The following BLK variants were observed in gnomAD, a reference collection of about 807,000 sequenced individuals.
BLK encodes tyrosine-protein kinase Blk.
Under a neutral mutation model 61.8 loss-of-function variants are expected in BLK, and 64 were observed. The ratio of observed to expected loss-of-function variants is 1.03; its 90% confidence interval spans 0.85 to 1.27. The LOEUF (loss-of-function observed/expected upper bound fraction) is 1.27, where lower values mean the gene tolerates loss of function less well. Among genes scored for constraint, BLK ranks in the 50% most tolerant of loss-of-function variants. The pLI is 0.00. For missense variants in BLK, 853 were observed against 660.5 expected (o/e 1.29, Z -3.19); for synonymous variants, 351 against 272.0 (o/e 1.29, Z -2.86).
chr8:11,530,260 T>C (rs538829576), intron 1 of BLK, among the ~76,000 whole-genome samples: 1 of 152,362 alleles, frequency 6.6e-6, no homozygotes, highest in Admixed American at 6.5e-5. Flanking sequence ...GATACTTGTA[T>C]GAATTGGGTG....
chr8:11,502,707 G>A (rs1045667926), intron 1 of BLK, among the ~76,000 whole-genome samples: 20 of 152,236 alleles, frequency 1.3e-4, no homozygotes, highest in Admixed American at 1.3e-4. Flanking sequence ...GTGCATCACT[G>A]ACGGGGAGGC....
chr8:11,502,652 G>T lies in BLK; in HGVS notation c.-2+8061G>T, dbSNP rs1416773421. Among the ~76,000 whole-genome samples, 3 of 152,198 alleles carry T rather than the reference G, an allele frequency of 2.0e-5. No homozygotes were observed. In the East Asian group the frequency reaches 5.8e-4, roughly 29 times the overall value. On this transcript the variant is annotated intron_variant, in intron 1 of 12. Transcript: ENST00000259089. ...ATAATTCAGCTCACAAAATTCCTGA[G>T]AATTTAACAACCGGCTCTAGCATAC...
chr8:11,522,866 A>T (rs527499536), intron 1 of BLK, among the ~76,000 whole-genome samples: 1 of 152,242 alleles, frequency 6.6e-6, no homozygotes, highest in East Asian at 1.9e-4. Context: ...GTCCAAAATC[A>T]TACATGGTTA....
chr8:11,543,290 A>C lies in BLK; in HGVS notation c.66A>C (p.Gln22His). 6.2e-7 allele frequency: 1 copy of C among 1,613,978 alleles called. No homozygotes were observed. The highest frequency in any genetic ancestry group is 1.1e-5 in the South Asian group (1 of 91,084). The change falls in exon 2 of 13, where the codon CAA becomes CAC. Residue 22 changes from glutamine to histidine, a missense_variant. By Grantham distance (24) the Gln-to-His change is conservative. Coordinates refer to ENST00000259089, the MANE Select transcript of BLK (RefSeq NM_001715.3). ...CGATCAAAGAGAAGGACAAGGGCCA[A>C]TGGAGCCCCCTGAAGGTCAGCGCCC... is the stretch of plus-strand genomic sequence containing the variant. ...EKPIKEKDKG[Q>H]WSPLKVSAQD...
intron 1 of BLK, among the ~76,000 whole-genome samples, chr8:11,514,535 G>C (rs1016343561): frequency 2.0e-5 from 3 of 152,346 alleles, no homozygotes; most frequent in Middle Eastern, 3.4e-3. Flanking sequence ...GAGGGGAACA[G>C]CTGGGAGAGA....
chr8:11,506,712 A>C (rs576818192), intron 1 of BLK, among the ~76,000 whole-genome samples: 4 of 152,306 alleles, frequency 2.6e-5, no homozygotes, highest in African/African-American at 9.6e-5. Context: ...CTTTGTCATC[A>C]GTCCATGCAG....
chr8:11,526,335 C>G (rs560580379), intron 1 of BLK, among the ~76,000 whole-genome samples: 1 of 152,312 alleles, frequency 6.6e-6, no homozygotes, highest in East Asian at 1.9e-4. Context: ...TAGGCAGTAT[C>G]TGAAGTTAAC....
At position 11,556,835 on chromosome 8, in the gene BLK, G is replaced by C. The variant is rs1047925960; in HGVS notation, c.950G>C (p.Arg317Thr). The C allele has an allele frequency of 7.4e-6, 12 of 1,613,854 alleles. No homozygotes were observed. Among genetic ancestry groups the C allele is most frequent in the Admixed American group, 1.7e-5 (1 of 59,998 alleles). The change falls in exon 9 of 13, where the codon AGA (arginine) becomes ACA (threonine). Residue 317 changes from arginine to threonine, a missense_variant and splice_region_variant. Physicochemically the swap from Arg to Thr is moderately conservative, Grantham distance 71. Coordinates refer to ENST00000259089, the MANE Select transcript of BLK (RefSeq NM_001715.3). ...PIYIVTEYMA[R>T]GCLLDFLKTD... is the part of the protein sequence containing the mutation. ...TACATTGTCACCGAGTACATGGCCA[G>C]AGGTGGTGCCCCCCGCAGAGCCGCA...
rs768259020 is a variant in BLK at position 11,564,462 on chromosome 8, T to C, written c.*354T>C. On this transcript the variant is annotated 3_prime_UTR_variant, in exon 13 of 13. Coordinates refer to ENST00000259089, the MANE Select transcript of BLK (RefSeq NM_001715.3). ...CCCCCGTGCTGGCCGCGTCCCCGCCTCTGCGCCCTGCGTGGACCCCGCCCT... is the reference window on the plus strand; with the variant it reads ...CCCCCGTGCTGGCCGCGTCCCCGCCCCTGCGCCCTGCGTGGACCCCGCCCT... 23 of 546,382 alleles carry C rather than the reference T, an allele frequency of 4.2e-5. No homozygotes were observed. Among genetic ancestry groups the C allele is most frequent in the South Asian group, 3.5e-4 (23 of 65,316 alleles). The allele number at this position is 546,382 out of a possible 1,614,324, so 33.8% of individuals were successfully genotyped here. A position where few individuals can be genotyped will look rare whatever the true frequency, so the allele number is the denominator to read the frequency against.
chr8:11,518,719 A>G (rs755592435), intron 1 of BLK, among the ~76,000 whole-genome samples: 1 of 152,106 alleles, frequency 6.6e-6, no homozygotes, highest in African/African-American at 2.4e-5. Context: ...CAATGGTCCA[A>G]CACGGCATTT....
intron 1 of BLK, among the ~76,000 whole-genome samples, chr8:11,503,054 C>A (rs957375159): frequency 3.9e-5 from 6 of 152,216 alleles, no homozygotes; most frequent in African/African-American, 1.2e-4. Flanking sequence ...TCTCTGCTGG[C>A]CTCTTTGCAC....
chr8:11,509,061 G>A (rs1446511809), intron 1 of BLK: 1 of 152,212 alleles, frequency 6.6e-6, no homozygotes, highest in Non-Finnish European at 1.5e-5. Context: ...TACTTAGGAG[G>A]CATCACAACA....
At position 11,564,583 on chromosome 8, in the gene BLK, A is replaced by C. The variant is rs1463021518; in HGVS notation, c.*475A>C. ...AGCACTGCGGGGCTTTTCTGCAATA[A>C]AGTCACGAGCGTTCGAGCTGTTCCG... On this transcript the variant is annotated 3_prime_UTR_variant, in exon 13 of 13. Coordinates refer to ENST00000259089, the MANE Select transcript of BLK (RefSeq NM_001715.3). 2 of 421,268 alleles carry C rather than the reference A, an allele frequency of 4.7e-6. No individual in the cohort carries two copies. Among genetic ancestry groups the C allele is most frequent in the African/African-American group, 2.0e-5 (1 of 49,258 alleles). 26.1% of individuals were successfully genotyped at this position (421,268 alleles called of 1,614,324 possible).
intron 1 of BLK, among the ~76,000 whole-genome samples, chr8:11,510,173 A>T (rs1045240756): frequency 3.3e-5 from 5 of 152,220 alleles, no homozygotes; most frequent in African/African-American, 1.2e-4. Flanking sequence ...AATCCCTTCA[A>T]GGAATTACGA....
chr8:11,549,072 C>T lies in BLK; in HGVS notation c.318C>T (p.Gly106=), dbSNP rs1380322681. 1.9e-6 allele frequency: 3 copies of T among 1,611,838 alleles called. No homozygotes were observed. The highest frequency in any genetic ancestry group is 2.5e-6 in the Non-Finnish European group (3 of 1,179,266). The change falls in exon 5 of 13, where the codon GGC becomes GGT. Residue 106 remains glycine (G), a synonymous_variant. Transcript: ENST00000259089. ...LARSLVTGRE[G]YVPSNFVARV... ...GGTCACTCGTCACAGGAAGAGAAGG[C>T]TATGTGCCCAGTAACTTTGTGGCCC...
At chr8:11,526,062 C>A (rs527692779) in intron 1 of BLK, among the ~76,000 whole-genome samples, 24 of 152,252 alleles carry the variant, frequency 1.6e-4, no homozygotes, top group African/African-American at 4.3e-4. Context: ...TGTGAGCCAC[C>A]GCACCCAGCT....
chr8:11,542,362 C>A (rs1034838159), intron 1 of BLK, among the ~76,000 whole-genome samples: 2 of 152,308 alleles, frequency 1.3e-5, no homozygotes, highest in Admixed American at 1.3e-4. Flanking sequence ...CCTTCTGACA[C>A]GCGTGGGGAC....
At chr8:11,507,007 C>G (rs544116589) in intron 1 of BLK, among the ~76,000 whole-genome samples, 2 of 152,158 alleles carry the variant, frequency 1.3e-5, no homozygotes, top group South Asian at 4.1e-4. Flanking sequence ...GGTTCAGGTG[C>G]GGGTAGGGAA....
At chr8:11,558,846 C>G (rs796372093) in intron 10 of BLK, 6 of 455,416 alleles carry the variant, frequency 1.3e-5, no homozygotes, top group African/African-American at 1.0e-4. Flanking sequence ...CAGCTGCCAC[C>G]GAGAGGAAAC....
Sources: allele counts gnomAD v4.1 joint callset (sites outside exome capture counted in the v4.1 genomes callset), GRCh38; gene constraint gnomAD v4.1.1; transcripts MANE v1.5; gene names NCBI Gene and HGNC (gene_info 2026-07-23, HGNC 2026-07-21).